PPP6C: variants seen among roughly 807,000 people sequenced by gnomAD.
PPP6C encodes serine/threonine-protein phosphatase 6 catalytic subunit.
A neutral mutation model predicts 39.8 loss-of-function variants in PPP6C; 11 were observed. The observed-to-expected ratio is 0.28, with a 90% CI of 0.17 to 0.46. The LOEUF (loss-of-function observed/expected upper bound fraction) is 0.46. Ranked by LOEUF, PPP6C falls within the 20% of genes least tolerant of loss-of-function variation. The probability of loss-of-function intolerance (pLI) is 1.00; values close to 1 mark genes in which losing one functional copy is unlikely to be tolerated. For synonymous variants in PPP6C, 129 were observed against 130.3 expected, an observed-to-expected ratio of 0.99 and a Z score of 0.07; for missense variants, 211 against 373.9, an observed-to-expected ratio of 0.56 and a Z score of 3.59.
chr9:125,185,281 G>T (rs1437680196), intron 1 of PPP6C, among the ~76,000 whole-genome samples: 1 of 146,556 alleles, frequency 6.8e-6, no homozygotes. Flanking sequence ...GTCTCGCTCT[G>T]TTGGCCAGGC....
intron 2 of PPP6C, among the ~76,000 whole-genome samples, chr9:125,168,521 C>T (rs745643303): frequency 2.0e-5 from 3 of 151,870 alleles, no homozygotes; most frequent in Non-Finnish European, 2.9e-5. Flanking sequence ...TGCAATGGCG[C>T]GATCTCGGCT....
In PPP6C at chr9:125,165,751, G is replaced by A. The variant is rs140825504; in HGVS notation, c.172-4845C>T. Among the ~76,000 whole-genome samples, 254 of 147,410 alleles carry A rather than the reference G, an allele frequency of 1.7e-3. 7 individuals carry two copies. The highest frequency in any genetic ancestry group is 0.015 in the Admixed American group (224 of 14,822). ...AAGTGGCAGTTTATGACACTTAAAA[G>A]TTAATCGCAATATGAAATCTGAAAC... On this transcript the variant is annotated intron_variant, in intron 2 of 6. Coordinates refer to ENST00000373547, the MANE Select transcript of PPP6C (RefSeq NM_002721.5).
chr9:125,188,995 C>A, intron 1 of PPP6C: 1 of 1,401,226 alleles, frequency 7.1e-7, no homozygotes, highest in South Asian at 1.2e-5. Flanking sequence ...TTATTGAGAA[C>A]CAACTACTTT....
chr9:125,166,958 G>A (rs1829029153), intron 2 of PPP6C, among the ~76,000 whole-genome samples: 1 of 152,026 alleles, frequency 6.6e-6, no homozygotes, highest in African/African-American at 2.4e-5. Context: ...GGAGTGCAGT[G>A]GCACAATAAT....
chr9:125,189,320 C>G (rs1247625776), intron 1 of PPP6C, among the ~76,000 whole-genome samples: 1 of 152,148 alleles, frequency 6.6e-6, no homozygotes, highest in Non-Finnish European at 1.5e-5. Flanking sequence ...CTGCGGGAGA[C>G]CCAGGGATGG....
chr9:125,166,483 A>C (rs763364560), intron 2 of PPP6C, among the ~76,000 whole-genome samples: 1 of 152,096 alleles, frequency 6.6e-6, no homozygotes, highest in Non-Finnish European at 1.5e-5. Context: ...TCCATAAAAA[A>C]GCAGTTATTT....
chr9:125,158,825 C>T (rs781277113), intron 3 of PPP6C, among the ~76,000 whole-genome samples: 10 of 151,798 alleles, frequency 6.6e-5, no homozygotes, highest in African/African-American at 1.2e-4. Flanking sequence ...CCACCACACC[C>T]GGCTGATTTT....
intron 2 of PPP6C, among the ~76,000 whole-genome samples, chr9:125,162,002 TGAA>T (rs1316577959): frequency 1.3e-5 from 2 of 151,038 alleles, no homozygotes; most frequent in African/African-American, 4.9e-5. Context: ...TTAGTCAAAG[TGAA>T]GAAAACTGAA....
chr9:125,158,471 T>C, intron 3 of PPP6C, 89 bp from the exon 4 acceptor site: 1 of 1,277,776 alleles, frequency 7.8e-7, no homozygotes. Context: ...ATATAGTTTA[T>C]AACTACAATA....
chr9:125,158,120 GT>G, intron 4 of PPP6C, 120 bp downstream of exon 4: 1 of 1,003,188 alleles, frequency 1.0e-6, no homozygotes, highest in South Asian at 1.7e-5. Context: ...TTTGGGAGGA[GT>G]GAAGGAGTGA....
intron 1 of PPP6C, chr9:125,188,775 CTCTA>C (rs1364179118): frequency 1.2e-5 from 3 of 240,062 alleles, no homozygotes; most frequent in Non-Finnish European, 1.5e-5. Flanking sequence ...CAGAGTGAGA[CTCTA>C]TCTCAGTTAA....
At chr9:125,169,103 G>C (rs1263115450) in intron 2 of PPP6C, among the ~76,000 whole-genome samples, 1 of 152,290 alleles carries the variant, frequency 6.6e-6, no homozygotes, top group South Asian at 2.1e-4. Flanking sequence ...AATTGTTCAC[G>C]GTTTGGTGGT....
intron 2 of PPP6C, among the ~76,000 whole-genome samples, chr9:125,162,483 A>AT (rs1828903163): frequency 1.5e-5 from 2 of 129,044 alleles, no homozygotes; most frequent in Non-Finnish European, 3.3e-5. Flanking sequence ...AAAAAAAAAA[A>AT]GTGTTATGGT....
intron 2 of PPP6C, among the ~76,000 whole-genome samples, chr9:125,166,551 T>C (rs1829018199): frequency 6.6e-6 from 1 of 151,430 alleles, no homozygotes; most frequent in African/African-American, 2.4e-5. Flanking sequence ...TTTTTTTTTT[T>C]TAGCAGAGTC....
chr9:125,189,243 G>A (rs1829607103), intron 1 of PPP6C, among the ~76,000 whole-genome samples: 2 of 152,208 alleles, frequency 1.3e-5, no homozygotes, highest in South Asian at 2.1e-4. Flanking sequence ...CGGCCACTCC[G>A]CGCTCCTGTC....
intron 1 of PPP6C, among the ~76,000 whole-genome samples, chr9:125,176,545 T>C (rs1451056020): frequency 1.3e-5 from 2 of 152,140 alleles, no homozygotes; most frequent in African/African-American, 4.8e-5. Flanking sequence ...AAGTCCCAGA[T>C]ACTTGGAAGG....
At chr9:125,178,051 T>C (rs886462433) in intron 1 of PPP6C, among the ~76,000 whole-genome samples, 6 of 152,246 alleles carry the variant, frequency 3.9e-5, no homozygotes, top group Non-Finnish European at 5.9e-5. Context: ...TCCATCCACC[T>C]AGTGAAGGAC....
intron 1 of PPP6C, among the ~76,000 whole-genome samples, chr9:125,177,310 C>T (rs992734567): frequency 2.0e-5 from 3 of 151,980 alleles, no homozygotes; most frequent in Admixed American, 1.3e-4. Flanking sequence ...GGAGGCCGAA[C>T]TTGCAGTGAG....
At chr9:125,181,190 C>T (rs915513273) in intron 1 of PPP6C, among the ~76,000 whole-genome samples, 3 of 152,178 alleles carry the variant, frequency 2.0e-5, no homozygotes, top group African/African-American at 7.2e-5. Flanking sequence ...CCTCAAAGAG[C>T]CCTGCCTTGT....
Sources: allele counts gnomAD v4.1 joint callset (sites outside exome capture counted in the v4.1 genomes callset), GRCh38; gene constraint gnomAD v4.1.1; transcripts MANE v1.5; gene names NCBI Gene and HGNC (gene_info 2026-07-23, HGNC 2026-07-21).